MMP26: variants seen among roughly 807,000 people sequenced by gnomAD.
The protein encoded by MMP26 is matrix metalloproteinase-26.
In MMP26, 33 loss-of-function variants were observed where a neutral mutation model predicts 31.0. The observed-to-expected ratio is 1.06, with a 90% confidence interval of 0.81 to 1.42. MMP26 has a LOEUF of 1.42. MMP26 is among the 40% of genes most tolerant of loss of function. MMP26 has a pLI of 0.00. For missense variants in MMP26, 347 were observed against 316.1 expected, an observed-to-expected ratio of 1.10 and a Z score of -0.74; for synonymous variants, 122 against 114.9, an observed-to-expected ratio of 1.06 and a Z score of -0.40.
chr11:4,767,611 T>C (rs1242303763), intron 2 of MMP26, among the ~76,000 whole-genome samples: 1 of 152,176 alleles, frequency 6.6e-6, no homozygotes, highest in Non-Finnish European at 1.5e-5. Flanking sequence ...ATTATATAAA[T>C]ATTTAAAAGA....
At chr11:4,810,278 A>T (rs1849332552) in intron 2 of MMP26, among the ~76,000 whole-genome samples, 1 of 149,206 alleles carries the variant, frequency 6.7e-6, no homozygotes, top group Non-Finnish European at 1.5e-5. Context: ...AATTCAGGGG[A>T]TATTTTGTAC....
chr11:4,800,713 C>T (rs976141015), intron 2 of MMP26, among the ~76,000 whole-genome samples: 5 of 152,092 alleles, frequency 3.3e-5, no homozygotes, highest in African/African-American at 9.7e-5. Flanking sequence ...AATGTTTATG[C>T]TCTCCTTCCC....
At chr11:4,990,936 G>C (rs1165136562) in intron 5 of MMP26, among the ~76,000 whole-genome samples, 190 bp downstream of exon 5, 2 of 152,178 alleles carry the variant, frequency 1.3e-5, no homozygotes, top group African/African-American at 4.8e-5. Flanking sequence ...AAATAAAGAA[G>C]AGGTGTTGGC....
intron 2 of MMP26, among the ~76,000 whole-genome samples, chr11:4,895,767 A>G (rs1298988062): frequency 2.6e-5 from 4 of 152,178 alleles, no homozygotes; most frequent in Non-Finnish European, 5.9e-5. Context: ...CTACAAGAAA[A>G]TAAAAATAGT....
intron 1 of MMP26, chr11:4,710,032 C>G (rs759543263): frequency 2.2e-6 from 1 of 456,774 alleles, no homozygotes; most frequent in Non-Finnish European, 4.4e-6. Context: ...CTTAGGGGAA[C>G]AACAGCTCTA....
At chr11:4,937,159 C>T (rs1050556508) in intron 2 of MMP26, among the ~76,000 whole-genome samples, 3 of 152,134 alleles carry the variant, frequency 2.0e-5, no homozygotes, top group African/African-American at 7.2e-5. Flanking sequence ...AATCAGAGAG[C>T]TGAAGTACTT....
rs573100564 is a variant in MMP26, at chr11:4,992,040, C to T, written c.672C>T (p.Ser224=). The T allele has an allele frequency of 5.8e-5, 93 of 1,613,978 alleles. 1 individual carries two copies. The South Asian group carries it at 8.9e-4, about 15-fold the overall frequency. Residue 224 remains serine (S), a synonymous_variant, in exon 7 of 8, where the codon TCC becomes TCT. Coordinates refer to ENST00000380390, the MANE Select transcript of MMP26 (RefSeq NM_021801.5). ...TGCAGCACTCTGGGAATCAGAGCTC[C>T]ATAATGTACCCCACTTACTGGTATC... The part of the protein sequence containing the change: ...LGLQHSGNQS[S]IMYPTYWYHD...
intron 2 of MMP26, among the ~76,000 whole-genome samples, chr11:4,804,906 G>A (rs969801264): frequency 1.3e-5 from 2 of 150,866 alleles, no homozygotes; most frequent in African/African-American, 4.9e-5. Context: ...GGAGTTGGAC[G>A]TTGCAGTGAG....
rs188405493 is a variant in MMP26, at chr11:4,806,240, G to A, written c.-145+38899G>A. Among the ~76,000 whole-genome samples the A allele has an allele frequency of 2.6e-3, 389 of 152,058 alleles. 4 individuals carry two copies. The highest frequency in any genetic ancestry group is 3.0e-3 in the Non-Finnish European group (207 of 68,002). ...AGTTCTGTAGATGTCTGTTAGGTCC[G>A]CTTGGTGCAGAGCTGAGTTCAATTC... On this transcript the variant is annotated intron_variant, in intron 2 of 7. Coordinates refer to ENST00000380390, the MANE Select transcript of MMP26 (RefSeq NM_021801.5).
intron 2 of MMP26, among the ~76,000 whole-genome samples, chr11:4,884,916 A>G (rs189241465): frequency 4.3e-4 from 65 of 152,186 alleles, no homozygotes; most frequent in African/African-American, 1.6e-3. Context: ...ATACCTCAAG[A>G]GATATATGGC....
At chr11:4,986,347 AT>A (rs898638467) in intron 2 of MMP26, among the ~76,000 whole-genome samples, 6 of 150,864 alleles carry the variant, frequency 4.0e-5, no homozygotes, top group African/African-American at 1.5e-4. Flanking sequence ...TTTTATTTTT[AT>A]TTTTTTATTT....
intron 2 of MMP26, among the ~76,000 whole-genome samples, chr11:4,801,498 C>T (rs549542569): frequency 1.1e-4 from 16 of 146,676 alleles, no homozygotes; most frequent in South Asian, 2.3e-4. Context: ...GGGGAGGTCC[C>T]GGACTTTTTA....
intron 2 of MMP26, chr11:4,876,394 C>A (rs1301881840): frequency 1.3e-5 from 2 of 152,102 alleles, no homozygotes; most frequent in East Asian, 1.9e-4. Flanking sequence ...GAAGCAGGGG[C>A]TACTGGTTTC....
chr11:4,775,944 A>G (rs926905220), intron 2 of MMP26, among the ~76,000 whole-genome samples: 1 of 151,988 alleles, frequency 6.6e-6, no homozygotes, highest in Non-Finnish European at 1.5e-5. Context: ...ATTCATGCTC[A>G]TTTCACTCCC....
intron 2 of MMP26, chr11:4,907,591 C>T (rs1203434136): frequency 6.2e-7 from 1 of 1,613,776 alleles, no homozygotes; most frequent in Non-Finnish European, 8.5e-7. Context: ...TGGGCCTGTC[C>T]CTCTCCTCCC....
chr11:4,934,390 T>G (rs1171011787), intron 2 of MMP26, among the ~76,000 whole-genome samples: 11 of 28,114 alleles, frequency 3.9e-4, no homozygotes, highest in South Asian at 1.7e-3. Context: ...AAGTGTCTGT[T>G]CATGTCCTTC....
At chr11:4,904,525 G>C (rs576640792) in intron 2 of MMP26, among the ~76,000 whole-genome samples, 6 of 152,114 alleles carry the variant, frequency 3.9e-5, no homozygotes, top group Non-Finnish European at 8.8e-5. Context: ...CTGCTCCTCA[G>C]GGTTCTATGA....
At chr11:4,894,075 AAATT>A (rs1482040892) in intron 2 of MMP26, among the ~76,000 whole-genome samples, 1 of 152,220 alleles carries the variant, frequency 6.6e-6, no homozygotes. Flanking sequence ...TGTTGTTACA[AAATT>A]AATTAAGTGC....
chr11:4,816,081 T>C (rs777177909), intron 2 of MMP26, among the ~76,000 whole-genome samples: 5 of 152,218 alleles, frequency 3.3e-5, no homozygotes, highest in African/African-American at 1.2e-4. Context: ...TCCATTTTCA[T>C]TTGTCTAAAT....
Sources: allele counts gnomAD v4.1 joint callset (sites outside exome capture counted in the v4.1 genomes callset), GRCh38; gene constraint gnomAD v4.1.1; transcripts MANE v1.5; gene names NCBI Gene and HGNC (gene_info 2026-07-23, HGNC 2026-07-21).